Variants in CHIC1 observed in about 807,000 individuals in gnomAD.
The protein encoded by CHIC1 is cysteine-rich hydrophobic domain-containing protein 1.
In CHIC1, 7 loss-of-function variants were observed where a neutral mutation model predicts 18.5. That is an observed-to-expected ratio of 0.38 (90% CI 0.22 to 0.71). The LOEUF is 0.71. Ranked by LOEUF, CHIC1 falls within the 30% of genes least tolerant of loss-of-function variation. The pLI, the probability that CHIC1 is intolerant of heterozygous loss-of-function variation, is 0.49. For missense variants in CHIC1, 159 were observed against 176.9 expected (o/e 0.90, Z 0.57); for synonymous variants, 77 against 73.5 (o/e 1.05, Z -0.25).
At chrX:73,673,542 C>T (rs1395457376) in intron 3 of CHIC1, among the ~76,000 whole-genome samples, 1 of 111,593 alleles carries the variant, frequency 9.0e-6, no homozygotes, top group African/African-American at 3.3e-5. Flanking sequence ...TGATTTGGCT[C>T]TCTGTTTGTC....
At chrX:73,569,886 G>A (rs1308539173) in intron 1 of CHIC1, among the ~76,000 whole-genome samples, 2 of 111,008 alleles carry the variant, frequency 1.8e-5, no homozygotes, top group Admixed American at 9.6e-5. Context: ...ATACATTTAG[G>A]TCATAAGGGA....
chrX:73,610,552 T>TAA (rs2057703562), intron 3 of CHIC1, among the ~76,000 whole-genome samples: 1 of 108,350 alleles, frequency 9.2e-6, no homozygotes, highest in East Asian at 2.8e-4. Context: ...TTATGTTGTG[T>TAA]CCTTGTCTGG....
chrX:73,569,230 T>A (rs759458852), intron 1 of CHIC1, among the ~76,000 whole-genome samples: 1 of 109,429 alleles, frequency 9.1e-6, no homozygotes, highest in Non-Finnish European at 1.9e-5. Flanking sequence ...TTAAACAAAC[T>A]GAGTACGTGA....
intron 3 of CHIC1, among the ~76,000 whole-genome samples, chrX:73,617,681 C>A (rs1042447292): frequency 1.6e-4 from 18 of 111,499 alleles, no homozygotes; most frequent in African/African-American, 5.9e-4. Context: ...ATAAAACCAT[C>A]AGTTCTCATG....
At chrX:73,563,774 G>A (rs761248086) in intron 1 of CHIC1, among the ~76,000 whole-genome samples, 194 bp downstream of exon 1, 18 of 111,011 alleles carry the variant, frequency 1.6e-4, no homozygotes, top group Non-Finnish European at 3.2e-4. Flanking sequence ...ATGTAAATAT[G>A]ATGCACCAAT....
intron 3 of CHIC1, among the ~76,000 whole-genome samples, chrX:73,677,534 G>T (rs986504859): frequency 8.9e-6 from 1 of 112,280 alleles, no homozygotes; most frequent in African/African-American, 3.2e-5. Flanking sequence ...AGGACCCTCC[G>T]AGCCAGGTGC....
chrX:73,589,336 C>T (rs2057569556), intron 3 of CHIC1, among the ~76,000 whole-genome samples: 1 of 110,562 alleles, frequency 9.0e-6, no homozygotes, highest in African/African-American at 3.3e-5. Context: ...TTCCTCAATT[C>T]CTTCATTACT....
At chrX:73,654,020 C>G (rs888808396) in intron 3 of CHIC1, among the ~76,000 whole-genome samples, 2 of 111,906 alleles carry the variant, frequency 1.8e-5, no homozygotes, top group African/African-American at 6.5e-5. Flanking sequence ...TCCTTTGTTG[C>G]TTTATATTTC....
chrX:73,650,308 A>T (rs754158829), intron 3 of CHIC1, among the ~76,000 whole-genome samples: 2 of 111,589 alleles, frequency 1.8e-5, no homozygotes, highest in Non-Finnish European at 3.8e-5. Context: ...TCCAAAAGCT[A>T]TCAGAAGACA....
At chrX:73,673,234 CT>C (rs1324896906) in intron 3 of CHIC1, among the ~76,000 whole-genome samples, 4 of 111,457 alleles carry the variant, frequency 3.6e-5, no homozygotes, top group African/African-American at 1.3e-4. Flanking sequence ...GATGCGGGCT[CT>C]TTTTTGGTTC....
intron 1 of CHIC1, among the ~76,000 whole-genome samples, chrX:73,564,575 C>T: frequency 9.0e-6 from 1 of 111,122 alleles, no homozygotes; most frequent in East Asian, 2.8e-4. Context: ...TGGACCATAA[C>T]TATTTGGAAG....
chrX:73,625,528 T>C (rs1347820081), intron 3 of CHIC1, among the ~76,000 whole-genome samples: 1 of 111,311 alleles, frequency 9.0e-6, no homozygotes, highest in Non-Finnish European at 1.9e-5. Context: ...AAGGATCTTC[T>C]CCAGCATTCC....
In CHIC1 at chrX:73,684,012, G is replaced by A. The variant is rs768821831; in HGVS notation, c.*3007G>A. 8 of 111,969 alleles carry A rather than the reference G, an allele frequency of 7.1e-5. No individual in the cohort carries two copies. The highest frequency in any genetic ancestry group is 2.3e-4 in the African/African-American group (7 of 30,917). The allele number at this position is 111,969 out of a possible 1,213,427, so 9.2% of individuals were successfully genotyped here. On this transcript the variant is annotated 3_prime_UTR_variant, in exon 6 of 6. Coordinates refer to ENST00000373502, the MANE Select transcript of CHIC1 (RefSeq NM_001039840.4). Reference sequence around the variant, plus strand: ...TTTTAGAACAAAGATAACACATTACGTGTAAGGAAGCATAATAAATGAATT... The same window carrying A: ...TTTTAGAACAAAGATAACACATTACATGTAAGGAAGCATAATAAATGAATT...
chrX:73,570,177 G>T (rs2057464169), intron 1 of CHIC1, among the ~76,000 whole-genome samples: 1 of 111,621 alleles, frequency 9.0e-6, no homozygotes, highest in African/African-American at 3.2e-5. Flanking sequence ...GAATTGTATA[G>T]TGCACATTAG....
intron 3 of CHIC1, among the ~76,000 whole-genome samples, chrX:73,607,284 G>A (rs1268198868): frequency 2.8e-5 from 3 of 108,201 alleles, no homozygotes; most frequent in Non-Finnish European, 5.7e-5. Flanking sequence ...TACGCTGTGA[G>A]GGTAAAACTG....
chrX:73,563,599 T>G lies in CHIC1; in HGVS notation c.296+19T>G, dbSNP rs1297739172. On this transcript the variant is annotated intron_variant, in intron 1 of 5. Transcript: ENST00000373502. ...TCACTGTGTAAGCGAGAGGGGGTCT[T>G]GGGACTTGAAATGCCTGAGATTTGG... The G allele has an allele frequency of 4.8e-6, 5 of 1,048,198 alleles. No homozygotes were observed. The highest frequency in any genetic ancestry group is 4.2e-5 in the Admixed American group (1 of 23,892). The allele number at this position is 1,048,198 out of a possible 1,213,427, so 86.4% of individuals were successfully genotyped here.
rs942519747 is a variant in CHIC1, at chrX:73,681,218, TACAC to T, written c.*219_*222del. On this transcript the variant is annotated 3_prime_UTR_variant, in exon 6 of 6. Transcript: ENST00000373502. ...TGTGTTTTGCACTCTCAATTTTAAA[TACAC>T]ACACATGCGTGTGTGCATATACATA... is the stretch of plus-strand genomic sequence containing the variant. 2.1e-4 allele frequency: 77 copies of T among 360,183 alleles called. No homozygotes were observed. Among genetic ancestry groups the T allele is most frequent in the Non-Finnish European group, 2.8e-4 (58 of 210,691 alleles). 29.7% of individuals were successfully genotyped at this position (360,183 alleles called of 1,213,427 possible).
rs749948492 is a variant in CHIC1 at position 73,684,812 on chromosome X, A to G, written c.*3807A>G. Reference sequence around the variant, plus strand: ...CTGTTCATGTAGTATGTGGACTAAAACAATTGATATATATCTGTATGTAAA... The same window carrying G: ...CTGTTCATGTAGTATGTGGACTAAAGCAATTGATATATATCTGTATGTAAA... On this transcript the variant is annotated 3_prime_UTR_variant, in exon 6 of 6. Coordinates refer to ENST00000373502, the MANE Select transcript of CHIC1 (RefSeq NM_001039840.4). 1.8e-5 allele frequency: 2 copies of G among 111,596 alleles called. No homozygotes were observed. The highest frequency in any genetic ancestry group is 1.9e-4 in the Admixed American group (2 of 10,430). 9.2% of individuals were successfully genotyped at this position (111,596 alleles called of 1,213,427 possible).
At chrX:73,635,055 A>G (rs1484030022) in intron 3 of CHIC1, among the ~76,000 whole-genome samples, 1 of 110,577 alleles carries the variant, frequency 9.0e-6, no homozygotes, top group Non-Finnish European at 1.9e-5. Context: ...TCTGTAGGGG[A>G]ATGAAAGCTG....
Sources: gnomAD v4.1 joint callset for allele counts (sites outside exome capture counted in the v4.1 genomes callset) on GRCh38, gnomAD v4.1.1 for gene constraint, MANE v1.5 for transcripts, NCBI Gene and HGNC (gene_info 2026-07-23, HGNC 2026-07-21) for gene names.